Variants in SH3GL3 observed in about 807,000 individuals in gnomAD.
SH3GL3 encodes the protein endophilin-A3.
A neutral mutation model predicts 47.7 loss-of-function variants in SH3GL3; 33 were observed. The ratio of observed to expected loss-of-function variants is 0.69; its 90% CI spans 0.52 to 0.92. SH3GL3 has a LOEUF of 0.92. Ranked by LOEUF, SH3GL3 falls within the 40% of genes least tolerant of loss-of-function variation. The probability of loss-of-function intolerance (pLI) is 0.00; values close to 1 mark genes in which losing one functional copy is unlikely to be tolerated. For missense variants in SH3GL3, 363 were observed against 417.8 expected, an observed-to-expected ratio of 0.87 and a Z score of 1.14; for synonymous variants, 155 against 148.8, an observed-to-expected ratio of 1.04 and a Z score of -0.30.
intron 1 of SH3GL3, among the ~76,000 whole-genome samples, chr15:83,557,271 C>T (rs1320951026): frequency 6.6e-6 from 1 of 152,198 alleles, no homozygotes; most frequent in Admixed American, 6.5e-5. Context: ...GATGATTTCA[C>T]TACTGAACAA....
intron 1 of SH3GL3, among the ~76,000 whole-genome samples, chr15:83,494,091 C>G (rs1474455374): frequency 6.6e-6 from 1 of 152,178 alleles, no homozygotes; most frequent in Non-Finnish European, 1.5e-5. Context: ...CAGAGGGAAG[C>G]TGGGATATAA....
chr15:83,585,855 A>G (rs1176409858), intron 6 of SH3GL3, among the ~76,000 whole-genome samples: 2 of 152,338 alleles, frequency 1.3e-5, no homozygotes, highest in East Asian at 3.9e-4. Flanking sequence ...TTAAAATAGT[A>G]TAAGTGAGTA....
At chr15:83,543,526 G>A (rs977797299) in intron 1 of SH3GL3, among the ~76,000 whole-genome samples, 1 of 151,910 alleles carries the variant, frequency 6.6e-6, no homozygotes, top group South Asian at 2.1e-4. Flanking sequence ...GAATGGGTTT[G>A]GAAGTCTTCC....
intron 8 of SH3GL3, among the ~76,000 whole-genome samples, chr15:83,598,069 T>C (rs2060278835): frequency 6.6e-6 from 1 of 152,206 alleles, no homozygotes; most frequent in Non-Finnish European, 1.5e-5. Context: ...CCTCCTGTGG[T>C]TAAGGGGAAA....
chr15:83,603,071 C>T (rs1027752927), intron 8 of SH3GL3, among the ~76,000 whole-genome samples: 2 of 150,804 alleles, frequency 1.3e-5, no homozygotes, highest in African/African-American at 4.9e-5. Context: ...GGGATCTCGG[C>T]CCACTGCAAC....
intron 1 of SH3GL3, among the ~76,000 whole-genome samples, chr15:83,504,077 G>A (rs1438442735): frequency 6.6e-6 from 1 of 152,096 alleles, no homozygotes; most frequent in African/African-American, 2.4e-5. Flanking sequence ...TTTTACATAT[G>A]ATTGTCGAAT....
chr15:83,600,322 G>T (rs2060347162), intron 8 of SH3GL3, among the ~76,000 whole-genome samples: 1 of 152,100 alleles, frequency 6.6e-6, no homozygotes, highest in South Asian at 2.1e-4. Context: ...TATAGTTTCA[G>T]GTCTTAGATT....
At chr15:83,611,453 T>C (rs1424337192) in intron 8 of SH3GL3, 2 of 151,960 alleles carry the variant, frequency 1.3e-5, no homozygotes, top group African/African-American at 4.8e-5. Flanking sequence ...ACAAGGCCAC[T>C]TGGGGAGGGC....
At chr15:83,499,198 A>G (rs967454066) in intron 1 of SH3GL3, among the ~76,000 whole-genome samples, 1 of 151,968 alleles carries the variant, frequency 6.6e-6, no homozygotes, top group Non-Finnish European at 1.5e-5. Context: ...TAGGTTTTTT[A>G]ATGTCTAAGG....
chr15:83,525,351 C>CGTGCGTGTGT (rs1555488735), intron 1 of SH3GL3, among the ~76,000 whole-genome samples: 1 of 147,982 alleles, frequency 6.8e-6, no homozygotes, highest in African/African-American at 2.5e-5. Flanking sequence ...ATTCTTTGTG[C>CGTGCGTGTGT]GTGTGTGTGT....
At chr15:83,616,411 G>A (rs760606226) in intron 8 of SH3GL3, among the ~76,000 whole-genome samples, 17 of 151,934 alleles carry the variant, frequency 1.1e-4, no homozygotes, top group South Asian at 2.1e-4. Context: ...CCGCCACCAC[G>A]CCCGGCTAAT....
At chr15:83,499,169 G>T (rs1180387959) in intron 1 of SH3GL3, among the ~76,000 whole-genome samples, 1 of 151,956 alleles carries the variant, frequency 6.6e-6, no homozygotes, top group East Asian at 1.9e-4. Flanking sequence ...ATGATCAGGG[G>T]CTCTATCTTT....
At chr15:83,514,228 G>C (rs1417045741) in intron 1 of SH3GL3, among the ~76,000 whole-genome samples, 1 of 152,178 alleles carries the variant, frequency 6.6e-6, no homozygotes, top group Non-Finnish European at 1.5e-5. Context: ...TGGATTTCCA[G>C]ACCTAAAGAA....
chr15:83,453,545 T>A (rs936569149), intron 1 of SH3GL3, among the ~76,000 whole-genome samples: 7 of 151,440 alleles, frequency 4.6e-5, no homozygotes, highest in African/African-American at 1.5e-4. Context: ...GGAGAGTGTA[T>A]GTGTCGAGGA....
intron 8 of SH3GL3, among the ~76,000 whole-genome samples, chr15:83,592,469 G>C (rs2060133243): frequency 1.3e-5 from 2 of 152,032 alleles, no homozygotes; most frequent in African/African-American, 4.8e-5. Context: ...GAATGTGTAA[G>C]TGCAGGCTCG....
chr15:83,532,827 A>G (rs1305000084), intron 1 of SH3GL3, among the ~76,000 whole-genome samples: 5 of 152,200 alleles, frequency 3.3e-5, no homozygotes, highest in Admixed American at 6.5e-5. Flanking sequence ...ATACATGTTC[A>G]TGTTCAAGAT....
chr15:83,602,329 T>C (rs2151831235), intron 8 of SH3GL3, among the ~76,000 whole-genome samples: 1 of 152,344 alleles, frequency 6.6e-6, no homozygotes, highest in Non-Finnish European at 1.5e-5. Flanking sequence ...TTTGGGCTGC[T>C]GTAACAAAAT....
At chr15:83,457,599 A>G (rs2040061310) in intron 1 of SH3GL3, among the ~76,000 whole-genome samples, 1 of 152,220 alleles carries the variant, frequency 6.6e-6, no homozygotes, top group Non-Finnish European at 1.5e-5. Context: ...GGAGGCAATG[A>G]ATGTCTCTTG....
chr15:83,533,952 G>T (rs2043795602), intron 1 of SH3GL3, among the ~76,000 whole-genome samples: 1 of 152,116 alleles, frequency 6.6e-6, no homozygotes, highest in Non-Finnish European at 1.5e-5. Context: ...GGATCCTCTT[G>T]GGAAGTATCT....
Sources: allele counts gnomAD v4.1 joint callset (sites outside exome capture counted in the v4.1 genomes callset), GRCh38; gene constraint gnomAD v4.1.1; transcripts MANE v1.5; gene names NCBI Gene and HGNC (gene_info 2026-07-23, HGNC 2026-07-21).